Variants in DOCK1 observed in about 807,000 individuals in gnomAD.
The protein encoded by DOCK1 is dedicator of cytokinesis 1, also known as dedicator of cytokinesis protein 1.
In DOCK1, 138 loss-of-function variants were observed where a neutral mutation model predicts 262.7. That is an observed-to-expected ratio of 0.53 (90% confidence interval 0.46 to 0.61). The LOEUF (loss-of-function observed/expected upper bound fraction) is 0.61. Ranked by LOEUF, DOCK1 falls within the 20% of genes least tolerant of loss-of-function variation. DOCK1 has a pLI of 0.00. For missense variants in DOCK1, 1,908 were observed against 2,370.7 expected, an observed-to-expected ratio of 0.80 and a Z score of 4.05; for synonymous variants, 866 against 867.4, an observed-to-expected ratio of 1.00 and a Z score of 0.03.
At chr10:127,302,318 C>G (rs933688239) in intron 29 of DOCK1, among the ~76,000 whole-genome samples, 2 of 151,962 alleles carry the variant, frequency 1.3e-5, no homozygotes, top group Non-Finnish European at 2.9e-5. Context: ...CGTGTGCAGA[C>G]CAGGTGGGAC....
At chr10:127,173,378 A>T (rs1018279271) in intron 27 of DOCK1, among the ~76,000 whole-genome samples, 2 of 152,194 alleles carry the variant, frequency 1.3e-5, no homozygotes, top group Admixed American at 6.5e-5. Context: ...ACACTGCTAG[A>T]TGGATGGCAT....
intron 1 of DOCK1, among the ~76,000 whole-genome samples, chr10:126,912,582 C>T (rs565477960): frequency 6.6e-5 from 10 of 151,546 alleles, no homozygotes; most frequent in South Asian, 2.1e-4. Context: ...AAAAACTAGC[C>T]GGGCGTGGTG....
chr10:127,361,719 C>G (rs2064463415), intron 32 of DOCK1, among the ~76,000 whole-genome samples: 1 of 152,162 alleles, frequency 6.6e-6, no homozygotes, highest in Non-Finnish European at 1.5e-5. Flanking sequence ...AGCCCCTGCT[C>G]TATTCAGAAT....
At chr10:127,325,859 A>G (rs2062726253) in intron 29 of DOCK1, among the ~76,000 whole-genome samples, 1 of 152,208 alleles carries the variant, frequency 6.6e-6, no homozygotes, top group Non-Finnish European at 1.5e-5. Context: ...TCAAAGCTAT[A>G]TATTCAAGAT....
intron 29 of DOCK1, among the ~76,000 whole-genome samples, chr10:127,322,256 C>T (rs572616792): frequency 7.2e-4 from 106 of 146,962 alleles, no homozygotes; most frequent in Non-Finnish European, 1.3e-3. Flanking sequence ...GTGGTGTGAT[C>T]TCGGCTCACT....
intron 27 of DOCK1, among the ~76,000 whole-genome samples, chr10:127,195,448 A>C (rs1421356272): frequency 6.6e-6 from 1 of 151,782 alleles, no homozygotes; most frequent in Non-Finnish European, 1.5e-5. Flanking sequence ...CGAGCATTTC[A>C]CGTGGGCATC....
chr10:126,912,650 C>T (rs1400148123), intron 1 of DOCK1, among the ~76,000 whole-genome samples: 2 of 150,422 alleles, frequency 1.3e-5, no homozygotes, highest in African/African-American at 2.5e-5. Flanking sequence ...GGCGTGAACC[C>T]GGGAGGCGGA....
intron 23 of DOCK1, among the ~76,000 whole-genome samples, chr10:127,093,239 C>CTTTTCTTTTCTTTCTTTCTTTCT (rs372397425): frequency 0.038 from 3,605 of 94,078 alleles, 121 homozygotes; most frequent in Admixed American, 0.072. Context: ...TTCTTTCTTT[C>CTTTTCTTTTCTTTCTTTCTTTCT]TTCTTTTTTT....
chr10:126,949,922 C>A (rs998768409), intron 1 of DOCK1, among the ~76,000 whole-genome samples: 3 of 151,944 alleles, frequency 2.0e-5, no homozygotes, highest in South Asian at 4.2e-4. Context: ...AGTGTGGAGC[C>A]GCGTGTTATG....
chr10:127,158,522 C>G (rs1027196299), intron 27 of DOCK1, among the ~76,000 whole-genome samples: 20 of 152,300 alleles, frequency 1.3e-4, no homozygotes, highest in African/African-American at 4.3e-4. Flanking sequence ...GCTTGTAACT[C>G]CATGCGTGAT....
intron 25 of DOCK1, among the ~76,000 whole-genome samples, chr10:127,111,929 T>A (rs1012015291): frequency 6.6e-6 from 1 of 152,244 alleles, no homozygotes; most frequent in Non-Finnish European, 1.5e-5. Context: ...TTACATATAT[T>A]TTTAAATTTC....
Position 127,362,314 on chromosome 10 carries a change from A to G in DOCK1, c.3432+102A>G, listed in dbSNP as rs998984081. 10 of 1,290,498 alleles carry G rather than the reference A, an allele frequency of 7.7e-6. No homozygotes were observed. In the African/African-American group the frequency reaches 1.2e-4, roughly 15 times the overall value. The allele number at this position is 1,290,498 out of a possible 1,614,324, so 79.9% of individuals were successfully genotyped here. On this transcript the variant is annotated intron_variant, in intron 33 of 51. Transcript: ENST00000623213. ...GACAGTTCTAGAGTTAAAGGTGCCA[A>G]CGTGGAAAACACATTTTCCTACAGC...
intron 1 of DOCK1, among the ~76,000 whole-genome samples, chr10:126,934,249 C>G (rs1006339670): frequency 6.6e-6 from 1 of 152,028 alleles, no homozygotes; most frequent in Non-Finnish European, 1.5e-5. Flanking sequence ...TTTTTATTAC[C>G]AAAACAAAAC....
chr10:127,192,454 C>A (rs1393668033), intron 27 of DOCK1, among the ~76,000 whole-genome samples: 1 of 152,212 alleles, frequency 6.6e-6, no homozygotes, highest in African/African-American at 2.4e-5. Context: ...ACACATTTGT[C>A]AGGTTAGAAT....
At chr10:127,083,092 C>G (rs1008928898) in intron 23 of DOCK1, among the ~76,000 whole-genome samples, 2 of 152,190 alleles carry the variant, frequency 1.3e-5, no homozygotes, top group Non-Finnish European at 2.9e-5. Flanking sequence ...GCAAAGGACA[C>G]CATGTTTTCA....
chr10:127,429,151 C>G (rs994865549), intron 47 of DOCK1, among the ~76,000 whole-genome samples: 1 of 151,982 alleles, frequency 6.6e-6, no homozygotes, highest in Non-Finnish European at 1.5e-5. Flanking sequence ...CATTGTGAGG[C>G]AGCACCGTCT....
chr10:126,944,354 C>T (rs2035236367), intron 1 of DOCK1, among the ~76,000 whole-genome samples: 1 of 152,044 alleles, frequency 6.6e-6, no homozygotes, highest in African/African-American at 2.4e-5. Context: ...GAAATGCTTG[C>T]TGCAGGAAGC....
intron 23 of DOCK1, among the ~76,000 whole-genome samples, chr10:127,071,533 G>T: frequency 6.6e-6 from 1 of 152,110 alleles, no homozygotes. Flanking sequence ...TCCAATTCTA[G>T]TGCATGCCCA....
intron 5 of DOCK1, among the ~76,000 whole-genome samples, chr10:126,989,198 T>C (rs1468610909): frequency 6.6e-6 from 1 of 152,044 alleles, no homozygotes. Flanking sequence ...TATTAGAAAC[T>C]CCTAGAAAGA....
Sources: gnomAD v4.1 joint callset for allele counts (sites outside exome capture counted in the v4.1 genomes callset) on GRCh38, gnomAD v4.1.1 for gene constraint, MANE v1.5 for transcripts, NCBI Gene and HGNC (gene_info 2026-07-23, HGNC 2026-07-21) for gene names.